Variants in CDH13 observed in about 807,000 individuals in gnomAD.
CDH13 encodes the protein cadherin-13.
In CDH13, 24 loss-of-function variants were observed where a neutral mutation model predicts 63.8. The observed-to-expected ratio is 0.38, with a 90% confidence interval of 0.27 to 0.53. The LOEUF (loss-of-function observed/expected upper bound fraction) is 0.53, where lower values mean the gene tolerates loss of function less well. Among genes scored for constraint, CDH13 ranks in the 20% least tolerant of loss-of-function variants. The pLI is 0.85. For missense variants in CDH13, 1,049 were observed against 903.1 expected (o/e 1.16, Z -2.07); for synonymous variants, 503 against 355.3 (o/e 1.42, Z -4.67).
intron 2 of CDH13, among the ~76,000 whole-genome samples, chr16:82,926,542 G>A (rs918052015): frequency 1.3e-5 from 2 of 152,180 alleles, no homozygotes; most frequent in African/African-American, 2.4e-5. Context: ...GCTCATTCTT[G>A]TTGAGCTTGA....
chr16:83,032,797 C>G (rs1284023130), intron 3 of CDH13, among the ~76,000 whole-genome samples: 1 of 152,156 alleles, frequency 6.6e-6, no homozygotes, highest in African/African-American at 2.4e-5. Flanking sequence ...CCCTATTCAC[C>G]TGAAAACTCA....
At chr16:83,729,596 C>G (rs1389011057) in intron 10 of CDH13, among the ~76,000 whole-genome samples, 1 of 152,164 alleles carries the variant, frequency 6.6e-6, no homozygotes, top group Non-Finnish European at 1.5e-5. Context: ...GCTGTGTGTC[C>G]TGGACCCAGC....
chr16:83,148,850 C>T (rs548649822), intron 4 of CDH13, among the ~76,000 whole-genome samples: 2 of 151,656 alleles, frequency 1.3e-5, no homozygotes, highest in East Asian at 1.9e-4. Context: ...TTAAAGACCG[C>T]TTTCAGCTCC....
intron 2 of CDH13, among the ~76,000 whole-genome samples, chr16:82,965,839 A>C (rs1192037003): frequency 1.3e-5 from 2 of 152,172 alleles, no homozygotes; most frequent in Non-Finnish European, 2.9e-5. Flanking sequence ...GTATTAGCCC[A>C]CTGGTTTACA....
At chr16:83,666,097 TTATC>T (rs1696157297) in intron 8 of CDH13, among the ~76,000 whole-genome samples, 2 of 152,222 alleles carry the variant, frequency 1.3e-5, no homozygotes, top group Non-Finnish European at 2.9e-5. Context: ...AAAAGTAACT[TTATC>T]TATTTTTTCC....
intron 2 of CDH13, among the ~76,000 whole-genome samples, chr16:82,926,879 T>C (rs978278495): frequency 3.9e-5 from 6 of 152,226 alleles, no homozygotes; most frequent in Non-Finnish European, 7.3e-5. Flanking sequence ...CCGGTTATAA[T>C]TGTATAAGAA....
intron 2 of CDH13, among the ~76,000 whole-genome samples, chr16:82,896,245 T>G (rs1209227187): frequency 1.3e-5 from 2 of 149,614 alleles, no homozygotes; most frequent in Admixed American, 1.4e-4. Context: ...CAGATTGAGA[T>G]AGTCTGAGTC....
chr16:83,175,770 A>G (rs2038094530), intron 4 of CDH13, among the ~76,000 whole-genome samples: 1 of 151,638 alleles, frequency 6.6e-6, no homozygotes, highest in African/African-American at 2.4e-5. Flanking sequence ...AAATGTGTAT[A>G]ATATGCTCAC....
intron 3 of CDH13, among the ~76,000 whole-genome samples, chr16:83,038,627 A>G (rs765529459): frequency 6.1e-4 from 93 of 152,338 alleles, no homozygotes; most frequent in Non-Finnish European, 1.1e-3. Flanking sequence ...GATGAAACGA[A>G]AAACAGTGGA....
intron 5 of CDH13, among the ~76,000 whole-genome samples, chr16:83,286,247 C>G (rs548805372): frequency 2.6e-5 from 4 of 152,186 alleles, no homozygotes; most frequent in Non-Finnish European, 5.9e-5. Context: ...GCAGACCTCT[C>G]TGCACGATGC....
At chr16:82,875,018 G>T (rs2040459723) in intron 2 of CDH13, among the ~76,000 whole-genome samples, 1 of 152,212 alleles carries the variant, frequency 6.6e-6, no homozygotes, top group Non-Finnish European at 1.5e-5. Flanking sequence ...TCAAGAGGGA[G>T]AGAGAAGATA....
At chr16:83,298,832 T>C (rs933407517) in intron 5 of CDH13, among the ~76,000 whole-genome samples, 3 of 152,214 alleles carry the variant, frequency 2.0e-5, no homozygotes, top group Non-Finnish European at 4.4e-5. Context: ...GTGAGGATTT[T>C]CACTCTTCAC....
intron 2 of CDH13, among the ~76,000 whole-genome samples, chr16:82,882,738 C>A (rs904810026): frequency 1.3e-5 from 2 of 151,914 alleles, no homozygotes; most frequent in Admixed American, 1.3e-4. Context: ...CTAATACATA[C>A]AAAATCTGGT....
intron 8 of CDH13, among the ~76,000 whole-genome samples, chr16:83,613,456 T>G (rs1909024901): frequency 1.3e-5 from 2 of 152,214 alleles, no homozygotes; most frequent in African/African-American, 2.4e-5. Flanking sequence ...AATATATATA[T>G]AGACTTTCTA....
intron 2 of CDH13, among the ~76,000 whole-genome samples, chr16:82,930,928 C>T (rs564036681): frequency 6.6e-6 from 1 of 152,232 alleles, no homozygotes; most frequent in Non-Finnish European, 1.5e-5. Flanking sequence ...CCTGCAGACT[C>T]TAATGTTCGA....
chr16:83,053,172 A>T (rs1324158240), intron 3 of CDH13, among the ~76,000 whole-genome samples: 1 of 152,250 alleles, frequency 6.6e-6, no homozygotes, highest in South Asian at 2.1e-4. Flanking sequence ...CATCTAATAA[A>T]GTGAGAATGA....
chr16:83,156,737 C>T (rs1267960306), intron 4 of CDH13, among the ~76,000 whole-genome samples: 1 of 152,144 alleles, frequency 6.6e-6, no homozygotes, highest in African/African-American at 2.4e-5. Flanking sequence ...GAAGGACCCT[C>T]CCCCAGCCTC....
At chr16:83,186,383 C>T (rs1054559065) in intron 4 of CDH13, among the ~76,000 whole-genome samples, 3 of 151,944 alleles carry the variant, frequency 2.0e-5, no homozygotes, top group Non-Finnish European at 4.4e-5. Context: ...TTGATCCACC[C>T]GCCTCGGCCT....
chr16:83,021,635 A>G (rs1915358397), intron 2 of CDH13, among the ~76,000 whole-genome samples: 1 of 152,194 alleles, frequency 6.6e-6, no homozygotes, highest in Admixed American at 6.5e-5. Context: ...TGCTGACATG[A>G]TAGAATTGAA....
Sources: allele counts gnomAD v4.1 joint callset (sites outside exome capture counted in the v4.1 genomes callset), GRCh38; gene constraint gnomAD v4.1.1; transcripts MANE v1.5; gene names NCBI Gene and HGNC (gene_info 2026-07-23, HGNC 2026-07-21).